ZGRF1: variants seen among roughly 807,000 people sequenced by gnomAD.
ZGRF1 encodes 5'-3' DNA helicase ZGRF1.
ZGRF1 carries 196 observed loss-of-function variants against 203.5 expected under a neutral mutation model. The ratio of observed to expected loss-of-function variants is 0.96; its 90% CI spans 0.86 to 1.08. ZGRF1 has a LOEUF of 1.08. Ranked by LOEUF, ZGRF1 falls within the 50% of genes least tolerant of loss-of-function variation. ZGRF1 has a pLI of 0.00. For missense variants in ZGRF1, 2,326 were observed against 2,416.3 expected, an observed-to-expected ratio of 0.96 and a Z score of 0.78; for synonymous variants, 809 against 841.3, an observed-to-expected ratio of 0.96 and a Z score of 0.66.
At chr4:112,606,136 T>C (rs1750740781) in intron 8 of ZGRF1, 45 bp from the exon 9 acceptor site, 1 of 1,166,250 alleles carries the variant, frequency 8.6e-7, no homozygotes, top group Admixed American at 2.2e-5. Context: ...TAGAATAGTT[T>C]CACAGGTGAT....
At chr4:112,562,936 C>A (rs529989793) in intron 17 of ZGRF1, among the ~76,000 whole-genome samples, 195 bp downstream of exon 17, 1 of 152,092 alleles carries the variant, frequency 6.6e-6, no homozygotes. Context: ...AAAATTAGAA[C>A]AAAACAATCC....
Position 112,539,516 on chromosome 4 carries a change from C to A in ZGRF1, c.*31G>T. 1 of 1,082,818 alleles carries A rather than the reference C, an allele frequency of 9.2e-7. No individual in the cohort carries two copies. Among genetic ancestry groups the A allele is most frequent in the Non-Finnish European group, 1.3e-6 (1 of 743,368 alleles). The allele number at this position is 1,082,818 out of a possible 1,614,324, so 67.1% of individuals were successfully genotyped here. ...ATCATGTAAAATGAGTCTGAATTTA[C>A]ATAAATACAAAATATTTACACCATG... is the stretch of plus-strand genomic sequence containing the variant. On this transcript the variant is annotated 3_prime_UTR_variant, in exon 28 of 28. Coordinates refer to ENST00000505019, the MANE Select transcript of ZGRF1 (RefSeq NM_018392.5).
intron 16 of ZGRF1, among the ~76,000 whole-genome samples, chr4:112,566,384 A>G (rs1227407196): frequency 6.6e-6 from 1 of 150,648 alleles, no homozygotes; most frequent in East Asian, 2.0e-4. Context: ...AGATATACCT[A>G]ATGCTAAATG....
At chr4:112,575,336 G>A (rs1744958205) in intron 16 of ZGRF1, among the ~76,000 whole-genome samples, 1 of 152,200 alleles carries the variant, frequency 6.6e-6, no homozygotes, top group Admixed American at 6.5e-5. Context: ...CCAGTCTACA[G>A]CTCCCAGCGT....
chr4:112,559,270 C>T (rs1741500469), intron 19 of ZGRF1, among the ~76,000 whole-genome samples: 1 of 152,144 alleles, frequency 6.6e-6, no homozygotes, highest in Non-Finnish European at 1.5e-5. Context: ...GCAATCGTGA[C>T]TCACTGCAAC....
intron 14 of ZGRF1, 131 bp from the exon 15 acceptor site, chr4:112,584,305 G>A: frequency 4.7e-6 from 2 of 426,224 alleles, no homozygotes; most frequent in South Asian, 9.9e-5. Flanking sequence ...GTCACTATAT[G>A]ACTTAACTTT....
intron 10 of ZGRF1, among the ~76,000 whole-genome samples, chr4:112,601,736 T>C (rs991833126): frequency 4.0e-5 from 6 of 151,820 alleles, no homozygotes; most frequent in African/African-American, 1.2e-4. Flanking sequence ...AGACTCTGTC[T>C]CAAAAAACAA....
intron 16 of ZGRF1, among the ~76,000 whole-genome samples, chr4:112,570,889 G>A (rs1234891884): frequency 6.6e-6 from 1 of 152,112 alleles, no homozygotes; most frequent in East Asian, 1.9e-4. Context: ...GATCACTTGA[G>A]GTGAGGAGTT....
In ZGRF1 at chr4:112,587,536, T is replaced by A. The variant is rs1465807473; in HGVS notation, c.3521A>T (p.Glu1174Val). The A allele has an allele frequency of 2.5e-6, 4 of 1,613,938 alleles. No homozygotes were observed. The highest frequency in any genetic ancestry group is 3.4e-6 in the Non-Finnish European group (4 of 1,179,848). The change falls in exon 12 of 28, where the codon GAG becomes GTG. Residue 1174 changes from glutamate (E) to valine (V), a missense_variant. Physicochemically the swap from Glu to Val is moderately radical, Grantham distance 121. Transcript: ENST00000505019. The part of the protein sequence containing the change: ...DKRITDGFFA[E>V]AVSGMHFRDT... Reference sequence around the variant, plus strand: ...TCTAAAATGCATCCCAGAAACAGCCTCAGCAAAGAAGCCATCAGTTATTCT... The same window carrying A: ...TCTAAAATGCATCCCAGAAACAGCCACAGCAAAGAAGCCATCAGTTATTCT...
At chr4:112,584,269 T>C in intron 14 of ZGRF1, 95 bp from the exon 15 acceptor site, 2 of 697,110 alleles carry the variant, frequency 2.9e-6, no homozygotes, top group Non-Finnish European at 2.3e-6. Context: ...GAAGACTGCT[T>C]GGCATTACTG....
At chr4:112,582,214 T>C (rs996192025) in intron 15 of ZGRF1, among the ~76,000 whole-genome samples, 2 of 152,084 alleles carry the variant, frequency 1.3e-5, no homozygotes, top group African/African-American at 4.8e-5. Flanking sequence ...GTTGGGAACA[T>C]TACAATTCTT....
intron 16 of ZGRF1, among the ~76,000 whole-genome samples, chr4:112,575,289 T>TG (rs908643230): frequency 5.3e-5 from 8 of 152,040 alleles, no homozygotes; most frequent in Admixed American, 3.9e-4. Flanking sequence ...GCCTAACATT[T>TG]GGGGGGAAGA....
chr4:112,611,975 T>G (rs928109201), intron 7 of ZGRF1, among the ~76,000 whole-genome samples: 6 of 152,028 alleles, frequency 3.9e-5, no homozygotes, highest in African/African-American at 1.4e-4. Flanking sequence ...GTTTTGTTTT[T>G]TTTTTTTGAG....
rs191985329 is a variant in ZGRF1, at chr4:112,540,182, G to A, written c.5911-58C>T. 158 of 1,307,536 alleles carry A rather than the reference G, an allele frequency of 1.2e-4. 1 individual carries two copies. In the African/African-American group the frequency reaches 2.2e-3, roughly 18 times the overall value. 81.0% of individuals were successfully genotyped at this position (1,307,536 alleles called of 1,614,324 possible). ...GAGATTGTGAAGAACTTAAGCCTCT[G>A]AACCTGCTCAAAGCAACCACTGTAA... On this transcript the variant is annotated intron_variant, in intron 26 of 27. Coordinates refer to ENST00000505019, the MANE Select transcript of ZGRF1 (RefSeq NM_018392.5).
At chr4:112,576,437 T>C (rs1404102279) in intron 16 of ZGRF1, among the ~76,000 whole-genome samples, 1 of 152,152 alleles carries the variant, frequency 6.6e-6, no homozygotes, top group Non-Finnish European at 1.5e-5. Context: ...AGAATGACTT[T>C]GACAAGTCGA....
Position 112,619,517 on chromosome 4 carries a change from G to C in ZGRF1, c.525C>G (p.Asp175Glu). 1.2e-6 allele frequency: 2 copies of C among 1,613,990 alleles called. No individual in the cohort carries two copies. The highest frequency in any genetic ancestry group is 1.7e-6 in the Non-Finnish European group (2 of 1,179,960). ...GKKDVNNILA[D>E]PENIVTYKNR... ...TCTTGTAAGTCACAATGTTCTCAGGGTCTGCCAGTATATTATTTACATCTT... is the reference window on the plus strand; with the variant it reads ...TCTTGTAAGTCACAATGTTCTCAGGCTCTGCCAGTATATTATTTACATCTT... The change falls in exon 6 of 28, where the codon GAC (aspartate) becomes GAG (glutamate). Residue 175 changes from aspartate to glutamate, a missense_variant. Physicochemically the swap from Asp to Glu is conservative, Grantham distance 45. Transcript: ENST00000505019.
intron 16 of ZGRF1, among the ~76,000 whole-genome samples, chr4:112,571,553 A>AT (rs36106321): frequency 1.3e-4 from 20 of 149,976 alleles, no homozygotes; most frequent in Admixed American, 1.3e-4. Context: ...TTAAATCTTA[A>AT]TTTTTTTTTT....
intron 10 of ZGRF1, among the ~76,000 whole-genome samples, chr4:112,590,453 T>C (rs1429900339): frequency 4.6e-5 from 7 of 152,182 alleles, no homozygotes; most frequent in Non-Finnish European, 1.0e-4. Context: ...ACACAATATA[T>C]ATATTTGTAT....
Position 112,620,167 on chromosome 4 carries a change from T to G in ZGRF1, c.186A>C (p.Glu62Asp). The stretch of plus-strand genomic sequence containing the variant: ...CAACTGTGATTAAGTATCGATCACT[T>G]TCTAAGTCATCTCCAGGTTTCACCT... ...CLEVKPGDDL[E>D]SDRYLITVEE... Residue 62 changes from glutamate to aspartate, a missense_variant, in exon 5 of 28, where the codon GAA becomes GAC. Glu to Asp is a conservative substitution (Grantham distance 45). Transcript: ENST00000505019. 1 of 1,600,654 alleles carries G rather than the reference T, an allele frequency of 6.2e-7. No homozygotes were observed. Among genetic ancestry groups the G allele is most frequent in the Admixed American group, 1.8e-5 (1 of 56,008 alleles).
Sources: gnomAD v4.1 joint callset for allele counts (sites outside exome capture counted in the v4.1 genomes callset) on GRCh38, gnomAD v4.1.1 for gene constraint, MANE v1.5 for transcripts, NCBI Gene and HGNC (gene_info 2026-07-23, HGNC 2026-07-21) for gene names.